Variants in CDYL2 observed in about 807,000 individuals in gnomAD.
CDYL2 encodes chromodomain Y-like protein 2.
A neutral mutation model predicts 49.4 loss-of-function variants in CDYL2; 23 were observed. The observed-to-expected ratio is 0.47, with a 90% CI of 0.34 to 0.66. The LOEUF (loss-of-function observed/expected upper bound fraction) is 0.66. CDYL2 is among the 30% of genes least tolerant of loss of function. The pLI is 0.01. For synonymous variants in CDYL2, 360 were observed against 268.8 expected, an observed-to-expected ratio of 1.34 and a Z score of -3.32; for missense variants, 678 against 656.4, an observed-to-expected ratio of 1.03 and a Z score of -0.36.
rs370814463 is a variant in CDYL2, at chr16:80,614,533, T to C, written c.1008-1697A>G. ...TGTATGTGAGAAGTACATTACTATA[T>C]ATGAGGCTTACTTGTTACAACAGCT... On this transcript the variant is annotated intron_variant, in intron 4 of 6. Transcript: ENST00000570137. Among the ~76,000 whole-genome samples, 6 of 152,226 alleles carry C rather than the reference T, an allele frequency of 3.9e-5. No individual in the cohort carries two copies. In the East Asian group the frequency reaches 9.6e-4, roughly 24 times the overall value.
In CDYL2 at chr16:80,600,799, C is replaced by A. The variant is rs1325456879; in HGVS notation, c.*3589G>T. On this transcript the variant is annotated 3_prime_UTR_variant, in exon 7 of 7. Transcript: ENST00000570137. Reference sequence around the variant, plus strand: ...AAATTCCAAATAAAAAAAAAGTTTACAAAATTTTTAAAACCAAAAATTAAT... The same window carrying A: ...AAATTCCAAATAAAAAAAAAGTTTAAAAAATTTTTAAAACCAAAAATTAAT... 6.6e-6 allele frequency: 1 copy of A among 151,870 alleles called. No homozygotes were observed. Among genetic ancestry groups the A allele is most frequent in the Non-Finnish European group, 1.5e-5 (1 of 67,976 alleles). 9.4% of individuals were successfully genotyped at this position (151,870 alleles called of 1,614,324 possible).
At chr16:80,755,270 A>G (rs1334171107) in intron 1 of CDYL2, among the ~76,000 whole-genome samples, 1 of 152,206 alleles carries the variant, frequency 6.6e-6, no homozygotes, top group South Asian at 2.1e-4. Context: ...CCTGAATCTT[A>G]GCCTTTAATT....
chr16:80,657,960 C>T (rs551477371), intron 2 of CDYL2, among the ~76,000 whole-genome samples: 2 of 151,898 alleles, frequency 1.3e-5, no homozygotes, highest in African/African-American at 2.4e-5. Context: ...AATACTATGT[C>T]GCTCTAAAAA....
intron 1 of CDYL2, among the ~76,000 whole-genome samples, chr16:80,775,578 C>G (rs1168483205): frequency 6.6e-6 from 1 of 150,938 alleles, no homozygotes; most frequent in African/African-American, 2.4e-5. Context: ...TACTAGAACA[C>G]TTAAAGAAAA....
chr16:80,751,957 G>A (rs536537005), intron 1 of CDYL2, among the ~76,000 whole-genome samples: 39 of 152,150 alleles, frequency 2.6e-4, no homozygotes, highest in African/African-American at 9.4e-4. Flanking sequence ...AACCACCCAT[G>A]GCCTGAAATT....
chr16:80,705,296 G>T (rs1290411187), intron 1 of CDYL2, among the ~76,000 whole-genome samples: 1 of 152,258 alleles, frequency 6.6e-6, no homozygotes, highest in Non-Finnish European at 1.5e-5. Context: ...GGCTGGGAAA[G>T]CGGGCAGGGA....
intron 1 of CDYL2, among the ~76,000 whole-genome samples, chr16:80,716,318 T>C (rs1904796962): frequency 6.6e-6 from 1 of 152,248 alleles, no homozygotes; most frequent in African/African-American, 2.4e-5. Flanking sequence ...AAGAGCAGGA[T>C]ACATGTCTGG....
intron 1 of CDYL2, among the ~76,000 whole-genome samples, chr16:80,771,928 T>C (rs991679408): frequency 1.3e-5 from 2 of 152,050 alleles, no homozygotes; most frequent in African/African-American, 4.8e-5. Context: ...GATACAGTGA[T>C]GGAGAATAAC....
intron 3 of CDYL2, among the ~76,000 whole-genome samples, chr16:80,631,432 G>A (rs1907556646): frequency 6.6e-6 from 1 of 152,094 alleles, no homozygotes; most frequent in Non-Finnish European, 1.5e-5. Flanking sequence ...CATGTACCCT[G>A]TATTTTGAAT....
At chr16:80,777,964 A>T (rs1033847921) in intron 1 of CDYL2, among the ~76,000 whole-genome samples, 2 of 142,802 alleles carry the variant, frequency 1.4e-5, no homozygotes, top group African/African-American at 5.1e-5. Context: ...TACTAAAATA[A>T]AAAAAAATGT....
chr16:80,612,628 G>C lies in CDYL2; in HGVS notation c.1216C>G (p.Leu406Val). The C allele has an allele frequency of 6.2e-7, 1 of 1,604,710 alleles. No homozygotes were observed. The highest frequency in any genetic ancestry group is 8.5e-7 in the Non-Finnish European group (1 of 1,175,516). ...TCCAGGTATCACAGGAGGCTTACCA[G>C]CGCGACGCCCAGGATCTGGGGGAAG... ...YTFPQILGVA[L>V]ANEMLFCGRK... Residue 406 changes from leucine to valine, a missense_variant and splice_region_variant, in exon 5 of 7, where the codon CTG becomes GTG. By Grantham distance (32) the Leu-to-Val change is conservative. This residue lies in a region of CDYL2 where 153 missense variants were observed against 150.6 expected (regional missense o/e 1.02). Transcript: ENST00000570137. The surrounding 1 kb of genome is among the most constrained non-coding windows in gnomAD (Gnocchi z 5.0).
intron 2 of CDYL2, among the ~76,000 whole-genome samples, chr16:80,674,781 C>T (rs1030479567): frequency 6.6e-6 from 1 of 152,242 alleles, no homozygotes; most frequent in Non-Finnish European, 1.5e-5. Flanking sequence ...GACTGAATAA[C>T]ATCCGTCGTC....
intron 1 of CDYL2, among the ~76,000 whole-genome samples, chr16:80,779,279 T>G (rs1907188622): frequency 6.6e-6 from 1 of 152,110 alleles, no homozygotes; most frequent in Non-Finnish European, 1.5e-5. Context: ...CAGACAAGAA[T>G]TAAACCCATT....
intron 1 of CDYL2, among the ~76,000 whole-genome samples, chr16:80,790,467 T>C (rs1002388084): frequency 6.6e-6 from 1 of 152,200 alleles, no homozygotes; most frequent in Non-Finnish European, 1.5e-5. Context: ...AAGGCAGCTA[T>C]TGTGTGGCTC....
chr16:80,639,603 A>C, intron 2 of CDYL2: 1 of 444,830 alleles, frequency 2.2e-6, no homozygotes, highest in South Asian at 1.6e-5. Context: ...AAGGACATCA[A>C]ATTAACAACT....
intron 2 of CDYL2, among the ~76,000 whole-genome samples, chr16:80,660,367 C>T (rs1908992466): frequency 6.6e-6 from 1 of 151,652 alleles, no homozygotes; most frequent in African/African-American, 2.4e-5. Flanking sequence ...GAAAGCCAAG[C>T]AGAAGGAAGC....
chr16:80,716,537 T>C (rs865956815), intron 1 of CDYL2, among the ~76,000 whole-genome samples: 4 of 151,430 alleles, frequency 2.6e-5, no homozygotes, highest in African/African-American at 4.9e-5. Context: ...ACTGGATGAA[T>C]AGATGACTAA....
In CDYL2 at chr16:80,603,743, T is replaced by C. The variant is rs1181551498; in HGVS notation, c.*645A>G. 1 of 152,680 alleles carries C rather than the reference T, an allele frequency of 6.5e-6. No homozygotes were observed. Among genetic ancestry groups the C allele is most frequent in the Non-Finnish European group, 1.5e-5 (1 of 68,046 alleles). The allele number at this position is 152,680 out of a possible 1,614,324, so 9.5% of individuals were successfully genotyped here. ...TTTGCAAAACTAGCTTTACATATAA[T>C]ACACATAAATTATCAGAATTTCCAC... On this transcript the variant is annotated 3_prime_UTR_variant, in exon 7 of 7. Coordinates refer to ENST00000570137, the MANE Select transcript of CDYL2 (RefSeq NM_152342.4).
chr16:80,710,188 A>C (rs893929624), intron 1 of CDYL2, among the ~76,000 whole-genome samples: 13 of 151,992 alleles, frequency 8.6e-5, no homozygotes, highest in Non-Finnish European at 1.5e-4. Context: ...CGGCCTCCCA[A>C]AGCACTGGGA....
Sources: gnomAD v4.1 joint callset for allele counts (sites outside exome capture counted in the v4.1 genomes callset) on GRCh38, gnomAD v4.1.1 for gene constraint, gnomAD v4.1.1 regional missense constraint, Gnocchi (gnomAD v3.1) non-coding constraint, MANE v1.5 for transcripts, NCBI Gene and HGNC (gene_info 2026-07-23, HGNC 2026-07-21) for gene names.